The following CPQ variants were observed in gnomAD, a reference collection of about 807,000 sequenced individuals.
CPQ encodes the protein carboxypeptidase Q.
CPQ carries 37 observed loss-of-function variants against 45.7 expected under a neutral mutation model. The ratio of observed to expected loss-of-function variants is 0.81; its 90% CI spans 0.62 to 1.07. CPQ has a LOEUF of 1.07. CPQ is among the 50% of genes least tolerant of loss of function. The pLI is 0.00. For synonymous variants in CPQ, 186 were observed against 205.8 expected (o/e 0.90, Z 0.82); for missense variants, 537 against 572.9 (o/e 0.94, Z 0.64).
At chr8:96,959,794 G>T (rs16895159) in intron 4 of CPQ, among the ~76,000 whole-genome samples, 4,394 of 147,638 alleles carry the variant, frequency 0.03, 209 homozygotes, top group African/African-American at 0.1. Flanking sequence ...CTCAAACTTT[G>T]TACCCCTAAG....
At chr8:97,001,954 G>A (rs568587101) in intron 5 of CPQ, among the ~76,000 whole-genome samples, 10 of 151,860 alleles carry the variant, frequency 6.6e-5, no homozygotes, top group Non-Finnish European at 1.0e-4. Context: ...ACTCATTATT[G>A]TTCTATTCAG....
chr8:97,134,944 C>T (rs1475098066), intron 7 of CPQ, among the ~76,000 whole-genome samples: 1 of 152,166 alleles, frequency 6.6e-6, no homozygotes, highest in Non-Finnish European at 1.5e-5. Context: ...GAGTCTGTAG[C>T]ATCATCTTCA....
chr8:96,714,649 T>C (rs1809653014), intron 1 of CPQ, among the ~76,000 whole-genome samples: 1 of 152,176 alleles, frequency 6.6e-6, no homozygotes, highest in Non-Finnish European at 1.5e-5. Flanking sequence ...TTTCAAAGAT[T>C]ACTTCTTGGT....
chr8:96,830,658 T>G (rs1451474520), intron 2 of CPQ, among the ~76,000 whole-genome samples: 6 of 152,096 alleles, frequency 3.9e-5, no homozygotes, highest in Admixed American at 2.0e-4. Context: ...TTTTCATTAC[T>G]CTAACCGAGT....
At chr8:96,992,695 T>C (rs1809115490) in intron 5 of CPQ, among the ~76,000 whole-genome samples, 1 of 152,182 alleles carries the variant, frequency 6.6e-6, no homozygotes, top group African/African-American at 2.4e-5. Flanking sequence ...TATTAATTAG[T>C]ATTAATACTA....
chr8:96,716,862 A>G (rs1586370717), intron 1 of CPQ, among the ~76,000 whole-genome samples: 2 of 151,578 alleles, frequency 1.3e-5, no homozygotes, highest in East Asian at 3.9e-4. Context: ...AGCTGAGATC[A>G]CACCATTGTA....
chr8:96,744,405 C>T (rs1299532980), intron 1 of CPQ, among the ~76,000 whole-genome samples: 2 of 152,206 alleles, frequency 1.3e-5, no homozygotes. Flanking sequence ...GAACCCGGTA[C>T]CTGAGATGGA....
chr8:96,780,287 G>A (rs963785003), intron 1 of CPQ, among the ~76,000 whole-genome samples: 6 of 152,254 alleles, frequency 3.9e-5, no homozygotes, highest in Admixed American at 1.3e-4. Context: ...TTACAGAAAA[G>A]GTAGTTTTTA....
intron 6 of CPQ, among the ~76,000 whole-genome samples, chr8:97,034,891 ATTTTT>A (rs111486679): frequency 4.1e-5 from 5 of 123,026 alleles, no homozygotes; most frequent in African/African-American, 1.5e-4. Context: ...GTCCCTTTCT[ATTTTT>A]TTTTTTTTTT....
At chr8:96,687,654 A>G (rs1747334845) in intron 1 of CPQ, among the ~76,000 whole-genome samples, 1 of 151,960 alleles carries the variant, frequency 6.6e-6, no homozygotes, top group African/African-American at 2.4e-5. Flanking sequence ...TTTCAGCTAT[A>G]TCACCTAGAT....
chr8:97,118,171 ATAG>A (rs1291140859), intron 7 of CPQ, among the ~76,000 whole-genome samples: 13 of 152,244 alleles, frequency 8.5e-5, no homozygotes, highest in African/African-American at 2.9e-4. Context: ...CATTTATAAA[ATAG>A]TATAATGTAA....
intron 1 of CPQ, among the ~76,000 whole-genome samples, chr8:96,770,374 G>A (rs1260215583): frequency 6.6e-6 from 1 of 152,138 alleles, no homozygotes; most frequent in African/African-American, 2.4e-5. Context: ...CAAGAAAGAG[G>A]GATGTCATGA....
intron 2 of CPQ, among the ~76,000 whole-genome samples, chr8:96,817,723 C>T (rs1246228311): frequency 6.6e-6 from 1 of 152,008 alleles, no homozygotes; most frequent in Non-Finnish European, 1.5e-5. Context: ...AAGCAATCCT[C>T]CCACCTCAGC....
intron 1 of CPQ, among the ~76,000 whole-genome samples, chr8:96,706,748 T>C (rs1809535162): frequency 6.6e-6 from 1 of 152,176 alleles, no homozygotes; most frequent in Non-Finnish European, 1.5e-5. Context: ...CCAGAAAAGT[T>C]ATAGAGGAGG....
chr8:96,855,961 A>C (rs1048305320), intron 3 of CPQ, among the ~76,000 whole-genome samples: 3 of 152,200 alleles, frequency 2.0e-5, no homozygotes, highest in African/African-American at 7.2e-5. Flanking sequence ...CTGGTGCAAC[A>C]GATCAACGGA....
chr8:96,703,422 TTGAA>T (rs1432991129), intron 1 of CPQ, among the ~76,000 whole-genome samples: 5 of 152,196 alleles, frequency 3.3e-5, no homozygotes, highest in African/African-American at 4.8e-5. Flanking sequence ...TAAATGCTTA[TTGAA>T]TGAATGATTA....
At chr8:96,791,587 G>A (rs990541823) in intron 2 of CPQ, among the ~76,000 whole-genome samples, 3 of 152,222 alleles carry the variant, frequency 2.0e-5, no homozygotes, top group Non-Finnish European at 2.9e-5. Flanking sequence ...CCCACTCCTC[G>A]TTCCATGGGG....
chr8:97,052,027 C>A (rs1586516119), intron 6 of CPQ, among the ~76,000 whole-genome samples: 1 of 152,310 alleles, frequency 6.6e-6, no homozygotes, highest in East Asian at 1.9e-4. Flanking sequence ...TTTTATTCAA[C>A]CCTCCTTGAG....
intron 7 of CPQ, among the ~76,000 whole-genome samples, chr8:97,110,460 C>T (rs1323615792): frequency 6.6e-6 from 1 of 152,072 alleles, no homozygotes; most frequent in African/African-American, 2.4e-5. Flanking sequence ...GTTTTATTTT[C>T]TTTCTTGGAA....
Sources: gnomAD v4.1 joint callset for allele counts (sites outside exome capture counted in the v4.1 genomes callset) on GRCh38, gnomAD v4.1.1 for gene constraint, MANE v1.5 for transcripts, NCBI Gene and HGNC (gene_info 2026-07-23, HGNC 2026-07-21) for gene names.